The following ABLIM2 variants were observed in gnomAD, a reference collection of about 807,000 sequenced individuals.
ABLIM2 encodes the protein actin-binding LIM protein 2.
ABLIM2 carries 53 observed loss-of-function variants against 97.7 expected under a neutral mutation model. The ratio of observed to expected loss-of-function variants is 0.54; its 90% CI spans 0.44 to 0.68. The LOEUF (loss-of-function observed/expected upper bound fraction) is 0.68, where lower values mean the gene tolerates loss of function less well. ABLIM2 is among the 30% of genes least tolerant of loss of function. ABLIM2 has a pLI of 0.00. For synonymous variants in ABLIM2, 361 were observed against 345.8 expected (o/e 1.04, Z -0.49); for missense variants, 835 against 867.2 (o/e 0.96, Z 0.47).
At chr4:8,045,507 G>A (rs1237385710) in intron 8 of ABLIM2, among the ~76,000 whole-genome samples, 1 of 152,120 alleles carries the variant, frequency 6.6e-6, no homozygotes, top group Non-Finnish European at 1.5e-5. Context: ...AAATTAGCCG[G>A]GTGTGGTGGC....
intron 1 of ABLIM2, among the ~76,000 whole-genome samples, chr4:8,131,512 T>A (rs984522348): frequency 2.0e-5 from 3 of 152,184 alleles, no homozygotes; most frequent in Non-Finnish European, 2.9e-5. Context: ...ATGAGCTGTT[T>A]CTGCATGCGG....
intron 5 of ABLIM2, among the ~76,000 whole-genome samples, chr4:8,079,868 A>C (rs1818669855): frequency 6.6e-6 from 1 of 152,196 alleles, no homozygotes; most frequent in Non-Finnish European, 1.5e-5. Context: ...CATTGAGAAC[A>C]AGCACAGCAT....
At chr4:8,139,319 AC>A in intron 1 of ABLIM2, among the ~76,000 whole-genome samples, 1 of 152,100 alleles carries the variant, frequency 6.6e-6, no homozygotes, top group South Asian at 2.1e-4. Context: ...TGAACAGACA[AC>A]CTATGAAATG....
At chr4:8,102,136 G>A (rs1252956400) in intron 2 of ABLIM2, among the ~76,000 whole-genome samples, 1 of 152,056 alleles carries the variant, frequency 6.6e-6, no homozygotes, top group Non-Finnish European at 1.5e-5. Flanking sequence ...TCTTTGCAGG[G>A]ATGTAGAGGC....
rs748675345 is a variant in ABLIM2 at position 7,998,222 on chromosome 4, G to A, written c.1619-5295C>T. Among the ~76,000 whole-genome samples the A allele has an allele frequency of 3.3e-5, 5 of 151,910 alleles. No homozygotes were observed. Among genetic ancestry groups the A allele is most frequent in the African/African-American group, 1.2e-4 (5 of 41,358 alleles). ...TTTTTCATTCAAATCATTGATCTTC[G>A]GTGTTCTTGGTGTGACGGGTAATTT... On this transcript the variant is annotated intron_variant, in intron 16 of 20. Transcript: ENST00000447017. This position sits in a 1 kb window ranked among gnomAD's most constrained non-coding sequence, Gnocchi z 6.4.
At chr4:8,096,978 C>G in intron 3 of ABLIM2, 121 bp downstream of exon 3, 1 of 1,258,872 alleles carries the variant, frequency 7.9e-7, no homozygotes, top group Non-Finnish European at 1.1e-6. Flanking sequence ...GGAACAGCCT[C>G]GCTGCAGGAT....
intron 17 of ABLIM2, among the ~76,000 whole-genome samples, chr4:7,991,183 G>A (rs1748414011): frequency 6.6e-6 from 1 of 152,196 alleles, no homozygotes; most frequent in South Asian, 2.1e-4. Flanking sequence ...AAAGAGTGTG[G>A]CTTCTGGAGA....
chr4:8,083,618 A>G lies in ABLIM2; in HGVS notation c.455-2816T>C, dbSNP rs903841760. 6.6e-6 allele frequency among the ~76,000 whole-genome samples: 1 copy of G among 152,224 alleles called. No homozygotes were observed. The highest frequency in any genetic ancestry group is 2.4e-5 in the African/African-American group (1 of 41,458). On this transcript the variant is annotated intron_variant, in intron 4 of 20. Coordinates refer to ENST00000447017, the MANE Select transcript of ABLIM2 (RefSeq NM_001130083.2). The surrounding 1 kb of genome is among the most constrained non-coding windows in gnomAD (Gnocchi z 4.6). ...AGCAAGGTGCAAAAGGAGCGTTGCC[A>G]TGGAAACCACATCCTCACTTTCTAA...
chr4:8,101,217 C>T (rs150031412), intron 2 of ABLIM2, among the ~76,000 whole-genome samples: 28 of 152,310 alleles, frequency 1.8e-4, no homozygotes, highest in Admixed American at 9.1e-4. Context: ...ATCGCAGCTC[C>T]GAGTCTTGGC....
intron 8 of ABLIM2, among the ~76,000 whole-genome samples, chr4:8,049,969 C>T (rs1390335034): frequency 1.3e-5 from 2 of 152,188 alleles, no homozygotes; most frequent in Admixed American, 1.3e-4. Flanking sequence ...CTCAAATGAT[C>T]CACCAACCTC....
At chr4:8,129,471 CAT>C (rs1444084503) in intron 1 of ABLIM2, among the ~76,000 whole-genome samples, 2 of 152,232 alleles carry the variant, frequency 1.3e-5, no homozygotes, top group African/African-American at 4.8e-5. Context: ...TAAATAAACA[CAT>C]GTGGCCAGTA....
In ABLIM2 at chr4:8,148,290, G is replaced by A. The variant is rs1852155841; in HGVS notation, c.10+10390C>T. 6.6e-6 allele frequency among the ~76,000 whole-genome samples: 1 copy of A among 152,218 alleles called. No homozygotes were observed. Among genetic ancestry groups the A allele is most frequent in the African/African-American group, 2.4e-5 (1 of 41,452 alleles). ...GGAGAGGATGAGCTGGTGGATGAGA[G>A]GGCTGCAGCTGCAGGTGACCTAAGC... On this transcript the variant is annotated intron_variant, in intron 1 of 20. Transcript: ENST00000447017. This position sits in a 1 kb window ranked among gnomAD's most constrained non-coding sequence, Gnocchi z 6.7.
chr4:8,127,813 A>T lies in ABLIM2; in HGVS notation c.11-21176T>A. Reference sequence around the variant, plus strand: ...TGCGCCAGAGACACACCTGTCTCCCAGGCATCCGGGAAAGGGGCTCTGAAA... The same window carrying T: ...TGCGCCAGAGACACACCTGTCTCCCTGGCATCCGGGAAAGGGGCTCTGAAA... On this transcript the variant is annotated intron_variant, in intron 1 of 20. Transcript: ENST00000447017. The surrounding 1 kb of genome is among the most constrained non-coding windows in gnomAD (Gnocchi z 7.3). 1.9e-5 allele frequency: 13 copies of T among 684,730 alleles called. No homozygotes were observed. Among genetic ancestry groups the T allele is most frequent in the Admixed American group, 7.0e-5 (1 of 14,368 alleles). The allele number at this position is 684,730 out of a possible 1,614,324, so 42.4% of individuals were successfully genotyped here.
chr4:7,977,877 T>C (rs1186853346), intron 20 of ABLIM2, among the ~76,000 whole-genome samples: 2 of 152,044 alleles, frequency 1.3e-5, no homozygotes, highest in African/African-American at 2.4e-5. Flanking sequence ...CGTGTCAAAT[T>C]TGAAAGCAAA....
intron 2 of ABLIM2, among the ~76,000 whole-genome samples, chr4:8,102,132 CAGGGATGTAGA>C (rs768514784): frequency 5.7e-4 from 87 of 152,348 alleles, no homozygotes; most frequent in Non-Finnish European, 4.6e-4. Context: ...ACGGTCTTTG[CAGGGATGTAGA>C]GGCTCTATCT....
chr4:8,095,412 CA>C lies in ABLIM2; in HGVS notation c.338+1686del, dbSNP rs1831043680. On this transcript the variant is annotated intron_variant, in intron 3 of 20. Transcript: ENST00000447017. The surrounding 1 kb of genome is among the most constrained non-coding windows in gnomAD (Gnocchi z 4.7). ...AGCTGCTGTGCCCAGCCATCACCAG[CA>C]AGTTTTGATTGGACACTGAACACTT... 6.6e-6 allele frequency among the ~76,000 whole-genome samples: 1 copy of C among 152,168 alleles called. No homozygotes were observed. The highest frequency in any genetic ancestry group is 1.5e-5 in the Non-Finnish European group (1 of 68,030).
rs1399855980 is a variant in ABLIM2, at chr4:8,075,353, T to C, written c.675+2275A>G. Among the ~76,000 whole-genome samples, 1 of 152,076 alleles carries C rather than the reference T, an allele frequency of 6.6e-6. No individual in the cohort carries two copies. Among genetic ancestry groups the C allele is most frequent in the Non-Finnish European group, 1.5e-5 (1 of 68,018 alleles). ...CTAAGGTGAGGAAACTGTTCTAAAATTGACTGTGGAGATGGCTGCAAATAT... is the reference window on the plus strand; with the variant it reads ...CTAAGGTGAGGAAACTGTTCTAAAACTGACTGTGGAGATGGCTGCAAATAT... On this transcript the variant is annotated intron_variant, in intron 6 of 20. Coordinates refer to ENST00000447017, the MANE Select transcript of ABLIM2 (RefSeq NM_001130083.2). The surrounding 1 kb of genome is among the most constrained non-coding windows in gnomAD (Gnocchi z 4.4).
At chr4:7,997,917 T>G (rs1754455901) in intron 16 of ABLIM2, among the ~76,000 whole-genome samples, 2 of 152,094 alleles carry the variant, frequency 1.3e-5, no homozygotes, top group African/African-American at 4.8e-5. Context: ...GTTTCACTCT[T>G]GTTGCCCAGG....
chr4:8,051,693 G>A (rs953269537), intron 8 of ABLIM2, among the ~76,000 whole-genome samples: 37 of 152,266 alleles, frequency 2.4e-4, no homozygotes, highest in African/African-American at 8.2e-4. Context: ...TGCAAATGCA[G>A]GCCACTAGAA....
Sources: gnomAD v4.1 joint callset for allele counts (sites outside exome capture counted in the v4.1 genomes callset) on GRCh38, gnomAD v4.1.1 for gene constraint, Gnocchi (gnomAD v3.1) non-coding constraint, MANE v1.5 for transcripts, NCBI Gene and HGNC (gene_info 2026-07-23, HGNC 2026-07-21) for gene names.